The following MAMDC2 variants were observed in gnomAD, a reference collection of about 807,000 sequenced individuals.
MAMDC2 encodes MAM domain containing 2, also known as MAM domain-containing protein 2.
In MAMDC2, 57 loss-of-function variants were observed where a neutral mutation model predicts 89.8. That is an observed-to-expected ratio of 0.63 (90% confidence interval 0.51 to 0.79). The LOEUF is 0.79. Among genes scored for constraint, MAMDC2 ranks in the 30% least tolerant of loss-of-function variants. The pLI is 0.00. For synonymous variants in MAMDC2, 313 were observed against 293.4 expected (o/e 1.07, Z -0.68); for missense variants, 800 against 820.6 (o/e 0.97, Z 0.31).
intron 11 of MAMDC2, among the ~76,000 whole-genome samples, chr9:70,171,843 GCAAAAAAAA>G (rs2032358581): frequency 2.0e-5 from 3 of 151,926 alleles, no homozygotes; most frequent in Non-Finnish European, 2.9e-5. Context: ...AAAAAAAATT[GCAAAAAAAA>G]TTCTCATAAT....
intron 2 of MAMDC2, among the ~76,000 whole-genome samples, chr9:70,048,124 T>C (rs906470654): frequency 3.3e-5 from 5 of 152,220 alleles, no homozygotes; most frequent in African/African-American, 1.2e-4. Context: ...ATGGTTGTCC[T>C]GCTTTCTTGA....
chr9:70,065,602 A>G (rs1827246720), intron 2 of MAMDC2, among the ~76,000 whole-genome samples: 1 of 145,994 alleles, frequency 6.8e-6, no homozygotes, highest in African/African-American at 2.5e-5. Flanking sequence ...TTTTTAATAC[A>G]TGGAGGCCCC....
At chr9:70,077,410 G>A (rs954718689) in intron 2 of MAMDC2, among the ~76,000 whole-genome samples, 5 of 152,206 alleles carry the variant, frequency 3.3e-5, no homozygotes, top group Admixed American at 6.5e-5. Context: ...TAATAGAAAT[G>A]TTGGGTACCT....
In MAMDC2 at chr9:70,165,794, CGT is replaced by C. The variant is rs1408725474; in HGVS notation, c.1405-2904_1405-2903del. ...CCACTGAGCATCTTCGAATGTGGCT[CGT>C]GTGACTGAATACATGAATTTTTAAT... On this transcript the variant is annotated intron_variant, in intron 9 of 13. Transcript: ENST00000377182. Among the ~76,000 whole-genome samples, 8 of 152,246 alleles carry C rather than the reference CGT, an allele frequency of 5.3e-5. No homozygotes were observed. In the East Asian group the frequency reaches 1.5e-3, roughly 29 times the overall value.
rs2975886 is a variant in MAMDC2 at position 70,108,293 on chromosome 9, A to G, written c.231A>G (p.Glu77=). ...TAAGTCCTGACTTACAGGCTGAGGA[A>G]TGGAGCTGCCTCCGTTTGGTCTACC... ...VLLSPDLQAE[E]WSCLRLVYQI... The change falls in exon 3 of 14, where the codon GAA becomes GAG. Residue 77 remains glutamate (E), a synonymous_variant. Coordinates refer to ENST00000377182, the MANE Select transcript of MAMDC2 (RefSeq NM_153267.5). 0.014 allele frequency: 23,191 copies of G among 1,613,950 alleles called. 1,903 individuals carry two copies. In the African/African-American group the frequency reaches 0.22, roughly 15 times the overall value.
At chr9:70,157,862 G>C (rs1046370933) in intron 9 of MAMDC2, 2 of 152,014 alleles carry the variant, frequency 1.3e-5, no homozygotes, top group Non-Finnish European at 2.9e-5. Flanking sequence ...GGTAAACTAA[G>C]CAATAGGAAA....
At chr9:70,117,833 T>C (rs1373821181) in intron 5 of MAMDC2, among the ~76,000 whole-genome samples, 3 of 152,238 alleles carry the variant, frequency 2.0e-5, no homozygotes, top group Admixed American at 6.5e-5. Context: ...GTAATATAGT[T>C]CTGTGCTCAT....
intron 2 of MAMDC2, among the ~76,000 whole-genome samples, chr9:70,079,827 C>T (rs562788533): frequency 1.6e-4 from 25 of 152,272 alleles, no homozygotes; most frequent in Non-Finnish European, 1.3e-4. Context: ...GTGCCTTCGG[C>T]CTGTCCCCAA....
chr9:70,105,232 C>G (rs1032331395), intron 2 of MAMDC2, among the ~76,000 whole-genome samples: 2 of 151,902 alleles, frequency 1.3e-5, no homozygotes, highest in African/African-American at 4.8e-5. Flanking sequence ...CAAAATATAC[C>G]CCTACACTGA....
At chr9:70,094,590 G>T (rs1827982222) in intron 2 of MAMDC2, among the ~76,000 whole-genome samples, 2 of 152,108 alleles carry the variant, frequency 1.3e-5, no homozygotes, top group African/African-American at 4.8e-5. Context: ...TAATTTGCAA[G>T]AAATTGAAAC....
At chr9:70,049,316 TA>T (rs960416029) in intron 2 of MAMDC2, among the ~76,000 whole-genome samples, 24 of 152,162 alleles carry the variant, frequency 1.6e-4, no homozygotes, top group African/African-American at 5.3e-4. Flanking sequence ...CCTTCTCTTT[TA>T]AGGACACTCT....
chr9:70,224,952 G>A (rs1030416744), intron 12 of MAMDC2, among the ~76,000 whole-genome samples: 3 of 151,894 alleles, frequency 2.0e-5, no homozygotes, highest in African/African-American at 4.8e-5. Context: ...AAAATTTAAG[G>A]TCTTTCTTTT....
chr9:70,194,741 G>C (rs1285034889), intron 11 of MAMDC2, among the ~76,000 whole-genome samples: 1 of 152,086 alleles, frequency 6.6e-6, no homozygotes, highest in Non-Finnish European at 1.5e-5. Context: ...TTTACAATTA[G>C]TGAATCTTTT....
At chr9:70,102,159 C>T (rs2975871) in intron 2 of MAMDC2, among the ~76,000 whole-genome samples, 9,748 of 152,080 alleles carry the variant, frequency 0.064, 994 homozygotes, top group African/African-American at 0.21. Flanking sequence ...ATTGATTTTC[C>T]ACATATTGAA....
chr9:70,138,676 C>G lies in MAMDC2; in HGVS notation c.995-1469C>G, dbSNP rs1352106322. ...TGATGTTGAACATTTTTTTTATATA[C>G]CTGTTGGCCATTTGTATGTCTTCTC... On this transcript the variant is annotated intron_variant, in intron 7 of 13. Coordinates refer to ENST00000377182, the MANE Select transcript of MAMDC2 (RefSeq NM_153267.5). Among the ~76,000 whole-genome samples, 7 of 152,000 alleles carry G rather than the reference C, an allele frequency of 4.6e-5. No homozygotes were observed. The East Asian group carries it at 1.3e-3, about 29-fold the overall frequency.
At chr9:70,174,629 C>A (rs1175649477) in intron 11 of MAMDC2, among the ~76,000 whole-genome samples, 1 of 152,052 alleles carries the variant, frequency 6.6e-6, no homozygotes, top group Non-Finnish European at 1.5e-5. Flanking sequence ...TTAGCTATAG[C>A]CTAGTGAGCT....
At chr9:70,205,400 T>C (rs2033204355) in intron 11 of MAMDC2, among the ~76,000 whole-genome samples, 1 of 152,250 alleles carries the variant, frequency 6.6e-6, no homozygotes, top group Non-Finnish European at 1.5e-5. Context: ...CCTTCTACAA[T>C]TGTTCTTCAC....
chr9:70,057,801 G>C (rs1434595668), intron 2 of MAMDC2, among the ~76,000 whole-genome samples: 3 of 152,150 alleles, frequency 2.0e-5, no homozygotes, highest in Non-Finnish European at 2.9e-5. Flanking sequence ...CCTTGGAGAC[G>C]TTGACAAAGG....
intron 2 of MAMDC2, among the ~76,000 whole-genome samples, chr9:70,074,520 T>A (rs1827484477): frequency 6.6e-6 from 1 of 152,134 alleles, no homozygotes; most frequent in South Asian, 2.1e-4. Context: ...CCCTTAAAGG[T>A]CACTGTCTGC....
Sources: gnomAD v4.1 joint callset for allele counts (sites outside exome capture counted in the v4.1 genomes callset) on GRCh38, gnomAD v4.1.1 for gene constraint, MANE v1.5 for transcripts, NCBI Gene and HGNC (gene_info 2026-07-23, HGNC 2026-07-21) for gene names.